Variants in C11orf65 observed in about 807,000 individuals in gnomAD.
C11orf65 encodes the protein protein MFI.
Under a neutral mutation model 35.3 loss-of-function variants are expected in C11orf65, and 38 were observed. The ratio of observed to expected loss-of-function variants is 1.08; its 90% CI spans 0.83 to 1.41. The LOEUF is 1.41. Ranked by LOEUF, C11orf65 falls within the 40% of genes most tolerant of loss-of-function variation. The pLI is 0.00. For missense variants in C11orf65, 370 were observed against 367.1 expected (o/e 1.01, Z -0.06); for synonymous variants, 105 against 114.4 (o/e 0.92, Z 0.53).
At chr11:108,413,808 C>T (rs2092692288) in intron 3 of C11orf65, among the ~76,000 whole-genome samples, 1 of 151,988 alleles carries the variant, frequency 6.6e-6, no homozygotes, top group African/African-American at 2.4e-5. Context: ...TAACACACTT[C>T]TAAATAACAA....
downstream of C11orf65, chr11:108,327,664 TTACA>T (rs786203421): frequency 3.1e-6 from 5 of 1,613,798 alleles, no homozygotes; most frequent in African/African-American, 4.0e-5. Context: ...AGCCTAAAAC[TTACA>T]TACACAGAAT....
chr11:108,384,786 AAAAC>A (rs777533993), intron 8 of C11orf65, among the ~76,000 whole-genome samples: 58 of 152,164 alleles, frequency 3.8e-4, no homozygotes, highest in Non-Finnish European at 4.7e-4. Context: ...AACAAAAACA[AAAAC>A]AAACAAACAA....
In C11orf65 at chr11:108,455,815, CAAAAAAAAAAA is replaced by C. The variant is rs112701513; in HGVS notation, c.81+5653_81+5663del. Among the ~76,000 whole-genome samples, 3 of 56,188 alleles carry C rather than the reference CAAAAAAAAAAA, an allele frequency of 5.3e-5. 1 individual carries two copies. The highest frequency in any genetic ancestry group is 1.4e-4 in the African/African-American group (2 of 14,606). The allele number at this position is 56,188 out of a possible 152,430, so 36.9% of individuals were successfully genotyped here. On this transcript the variant is annotated intron_variant, in intron 2 of 8. Transcript: ENST00000393084. ...TGGGTGACAGAGCAAGACTCCACCT[CAAAAAAAAAAA>C]AAAAAAAAAAAAAACATGGAGAGAA... is the stretch of plus-strand genomic sequence containing the variant.
intron 6 of C11orf65, among the ~76,000 whole-genome samples, chr11:108,403,027 CAAAT>C (rs751320509): frequency 1.3e-5 from 2 of 152,162 alleles, no homozygotes; most frequent in African/African-American, 2.4e-5. Context: ...ATTAAAATGA[CAAAT>C]AAACCAGCTA....
At chr11:108,329,359 T>A, downstream of C11orf65, 1 of 884,006 alleles carries the variant, frequency 1.1e-6, no homozygotes, top group Non-Finnish European at 1.8e-6. Flanking sequence ...AAGGTCGGCT[T>A]AACTATATAT....
At chr11:108,387,515 C>T (rs2092040793) in intron 7 of C11orf65, among the ~76,000 whole-genome samples, 1 of 152,058 alleles carries the variant, frequency 6.6e-6, no homozygotes, top group Non-Finnish European at 1.5e-5. Context: ...AGGGTATATA[C>T]TTCCAACAGT....
intron 6 of C11orf65, among the ~76,000 whole-genome samples, chr11:108,404,413 T>G (rs184241286): frequency 2.7e-3 from 404 of 152,166 alleles, no homozygotes; most frequent in Non-Finnish European, 4.4e-3. Context: ...ATACTTTTTT[T>G]TGTGTTTGTT....
chr11:108,312,888 C>T (rs1314007121), intron 6 of C11orf65, among the ~76,000 whole-genome samples: 3 of 152,128 alleles, frequency 2.0e-5, no homozygotes, highest in African/African-American at 7.2e-5. Flanking sequence ...TTCTTGATAT[C>T]CATTCTTAAA....
rs863224582 is a variant in C11orf65, at chr11:108,365,190, G to C, written c.226+28018C>G. On this transcript the variant is annotated intron_variant, in intron 2 of 3. Coordinates refer to the C11orf65 transcript ENST00000524755. Reference sequence around the variant, plus strand: ...TGAGCTTCACCCTACTCTGAATGCAGATGACCAAGAATGCAAACGAAATCT... The same window carrying C: ...TGAGCTTCACCCTACTCTGAATGCACATGACCAAGAATGCAAACGAAATCT... 6.2e-7 allele frequency: 1 copy of C among 1,614,216 alleles called. No individual in the cohort carries two copies. Among genetic ancestry groups the C allele is most frequent in the Non-Finnish European group, 8.5e-7 (1 of 1,180,038 alleles).
intron 2 of C11orf65, among the ~76,000 whole-genome samples, chr11:108,364,081 A>G (rs943898791): frequency 6.6e-6 from 1 of 152,184 alleles, no homozygotes; most frequent in Admixed American, 6.5e-5. Context: ...GTCCTGGAGG[A>G]CACTCAAAAC....
At chr11:108,356,527 ACT>A (rs1250923138) in intron 2 of C11orf65, among the ~76,000 whole-genome samples, 1 of 141,152 alleles carries the variant, frequency 7.1e-6, no homozygotes, top group African/African-American at 2.6e-5. Flanking sequence ...CAAGAGCAAG[ACT>A]CTGTCTGTCT....
chr11:108,326,163 C>T lies in C11orf65; in HGVS notation c.641-17092G>A, dbSNP rs1282099124. On this transcript the variant is annotated intron_variant, in intron 6 of 6. Transcript: ENST00000525729. ...ACAAGTATTCTGGGCAAAAAAGGAG[C>T]AGAGTCTTGCCCTGAGTATTCTCAA... 1 of 1,614,120 alleles carries T rather than the reference C, an allele frequency of 6.2e-7. No homozygotes were observed. The highest frequency in any genetic ancestry group is 8.5e-7 in the Non-Finnish European group (1 of 1,180,016).
chr11:108,435,970 T>G (rs1345787166), intron 2 of C11orf65, among the ~76,000 whole-genome samples: 1 of 152,074 alleles, frequency 6.6e-6, no homozygotes, highest in African/African-American at 2.4e-5. Context: ...GAAATTATCC[T>G]CATTGGCCCA....
chr11:108,374,666 G>T (rs1424018092), intron 2 of C11orf65, among the ~76,000 whole-genome samples: 3 of 152,146 alleles, frequency 2.0e-5, no homozygotes, highest in African/African-American at 4.8e-5. Flanking sequence ...AGAGAAGAAG[G>T]CTTCAGATGA....
At chr11:108,335,352 A>T in intron 2 of C11orf65, 1 of 1,236,786 alleles carries the variant, frequency 8.1e-7, no homozygotes, top group Non-Finnish European at 1.1e-6. Flanking sequence ...TAACATGTAC[A>T]GACATGTACA....
At chr11:108,331,814 A>C in intron 3 of C11orf65, 10 of 1,567,300 alleles carry the variant, frequency 6.4e-6, no homozygotes, top group Non-Finnish European at 8.8e-6. Flanking sequence ...ATGTTAAGCA[A>C]AATGAAAAAT....
At chr11:108,444,126 G>A (rs978448387) in intron 2 of C11orf65, among the ~76,000 whole-genome samples, 8 of 152,150 alleles carry the variant, frequency 5.3e-5, no homozygotes, top group East Asian at 3.9e-4. Flanking sequence ...AATAAAAAAT[G>A]ATAAAGGGGA....
At chr11:108,357,771 T>C (rs1261852782) in intron 2 of C11orf65, among the ~76,000 whole-genome samples, 17 of 151,130 alleles carry the variant, frequency 1.1e-4, no homozygotes, top group East Asian at 7.9e-4. Flanking sequence ...ACAGAAAGGA[T>C]ATCCACACCA....
intron 6 of C11orf65, among the ~76,000 whole-genome samples, chr11:108,403,416 TTTTG>T (rs1209575807): frequency 6.9e-6 from 1 of 145,498 alleles, no homozygotes; most frequent in Non-Finnish European, 1.5e-5. Flanking sequence ...GAGGTTTTTT[TTTTG>T]TTTTTTTTTT....
Sources: gnomAD v4.1 joint callset for allele counts (sites outside exome capture counted in the v4.1 genomes callset) on GRCh38, gnomAD v4.1.1 for gene constraint, MANE v1.5 for transcripts, NCBI Gene and HGNC (gene_info 2026-07-23, HGNC 2026-07-21) for gene names.